MYRIP: variants seen among roughly 807,000 people sequenced by gnomAD.
MYRIP encodes the protein rab effector MyRIP.
A neutral mutation model predicts 98.0 loss-of-function variants in MYRIP; 49 were observed. That is an observed-to-expected ratio of 0.50 (90% CI 0.40 to 0.63). The LOEUF (loss-of-function observed/expected upper bound fraction) is 0.63. Ranked by LOEUF, MYRIP falls within the 30% of genes least tolerant of loss-of-function variation. The pLI is 0.00. For synonymous variants in MYRIP, 404 were observed against 409.5 expected (o/e 0.99, Z 0.16); for missense variants, 1,004 against 1,058.2 (o/e 0.95, Z 0.71).
intron 3 of MYRIP, among the ~76,000 whole-genome samples, chr3:40,122,585 T>C (rs542359268): frequency 3.4e-4 from 51 of 152,030 alleles, no homozygotes; most frequent in African/African-American, 1.2e-3. Flanking sequence ...TGTATATGTA[T>C]GAGTTCATAT....
intron 1 of MYRIP, among the ~76,000 whole-genome samples, chr3:39,824,245 G>T (rs981057078): frequency 6.6e-6 from 1 of 151,996 alleles, no homozygotes; most frequent in Non-Finnish European, 1.5e-5. Context: ...TGCTGTTTTG[G>T]TTATTACAGC....
At chr3:39,811,445 A>G (rs1940687782) in intron 1 of MYRIP, among the ~76,000 whole-genome samples, 1 of 152,194 alleles carries the variant, frequency 6.6e-6, no homozygotes, top group South Asian at 2.1e-4. Context: ...AAAATTTTAC[A>G]GCAATATCTG....
intron 8 of MYRIP, among the ~76,000 whole-genome samples, chr3:40,179,626 ACTGCATCTGGCAACTAGGCTGTCAG>A (rs1457657901): frequency 6.6e-6 from 1 of 152,196 alleles, no homozygotes; most frequent in Non-Finnish European, 1.5e-5. Flanking sequence ...CTGCAATAAT[ACTGCATCTGGCAACTAGGCTGTCAG>A]CTTCATAAGG....
chr3:40,241,186 A>T (rs2125709578), intron 12 of MYRIP, among the ~76,000 whole-genome samples: 1 of 152,292 alleles, frequency 6.6e-6, no homozygotes, highest in South Asian at 2.1e-4. Flanking sequence ...CTCAGAGGGA[A>T]TGGAGAGCAA....
chr3:40,149,063 G>GT (rs1237283822), intron 3 of MYRIP, among the ~76,000 whole-genome samples: 1 of 152,164 alleles, frequency 6.6e-6, no homozygotes, highest in African/African-American at 2.4e-5. Context: ...AGCTTCTTCC[G>GT]TATTAGTCCA....
intron 3 of MYRIP, chr3:40,071,100 C>T: frequency 1.0e-6 from 1 of 978,142 alleles, no homozygotes. Context: ...GAAGAAAGCA[C>T]AGGAAGAAGA....
chr3:40,040,233 C>T (rs1052525070), intron 2 of MYRIP, among the ~76,000 whole-genome samples: 9 of 151,898 alleles, frequency 5.9e-5, no homozygotes, highest in Admixed American at 5.3e-4. Flanking sequence ...AAGAAATGCT[C>T]ATCATCACTG....
intron 11 of MYRIP, among the ~76,000 whole-genome samples, chr3:40,214,646 G>T (rs944374372): frequency 6.6e-6 from 1 of 152,134 alleles, no homozygotes; most frequent in Non-Finnish European, 1.5e-5. Flanking sequence ...TTCCCAAAAG[G>T]TCATGTTTCT....
At position 39,974,021 on chromosome 3, in the gene MYRIP, C is replaced by G. The variant is rs1022032394; in HGVS notation, c.111-70029C>G. Among the ~76,000 whole-genome samples the G allele has an allele frequency of 8.5e-5, 13 of 152,062 alleles. No homozygotes were observed. The South Asian group carries it at 2.7e-3, about 32-fold the overall frequency. ...GAAGCAAGAGCAAACACATTCAAAGCTAGCAGAAGGCAAGAAATAACTAAG... is the reference window on the plus strand; with the variant it reads ...GAAGCAAGAGCAAACACATTCAAAGGTAGCAGAAGGCAAGAAATAACTAAG... On this transcript the variant is annotated intron_variant, in intron 2 of 16. Coordinates refer to ENST00000302541, the MANE Select transcript of MYRIP (RefSeq NM_015460.4).
rs549127058 is a variant in MYRIP, at chr3:40,222,793, T to C, written c.1906-11066T>C. ...TGTATAAAGAACCTGTACAAGAATA[T>C]AGCAATCTTGAACACAGTTAAATGC... On this transcript the variant is annotated intron_variant, in intron 11 of 16. Transcript: ENST00000302541. Among the ~76,000 whole-genome samples the C allele has an allele frequency of 7.9e-5, 12 of 152,306 alleles. No homozygotes were observed. In the South Asian group the frequency reaches 2.3e-3, roughly 29 times the overall value.
chr3:39,876,792 A>C (rs1424836349), intron 1 of MYRIP, among the ~76,000 whole-genome samples: 1 of 151,852 alleles, frequency 6.6e-6, no homozygotes, highest in Non-Finnish European at 1.5e-5. Context: ...CTTCATTTCA[A>C]CTTTGGTGAA....
In MYRIP at chr3:40,187,742, C is replaced by T. The variant is rs557109339; in HGVS notation, c.1028-2084C>T. ...GCCTCAGGGACCTTGTCCTCATACT[C>T]AGCAGGTGTGTGACAGGTAGAACAC... On this transcript the variant is annotated intron_variant, in intron 9 of 16. Coordinates refer to ENST00000302541, the MANE Select transcript of MYRIP (RefSeq NM_015460.4). Among the ~76,000 whole-genome samples the T allele has an allele frequency of 3.0e-4, 45 of 152,352 alleles. No individual in the cohort carries two copies. In the South Asian group the frequency reaches 4.1e-3, roughly 14 times the overall value.
intron 3 of MYRIP, among the ~76,000 whole-genome samples, chr3:40,112,934 T>C (rs1949190396): frequency 6.6e-6 from 1 of 152,266 alleles, no homozygotes; most frequent in African/African-American, 2.4e-5. Context: ...ATTATATCCC[T>C]CCTTTCTCTC....
intron 3 of MYRIP, among the ~76,000 whole-genome samples, chr3:40,086,025 A>G (rs1948618405): frequency 6.6e-6 from 1 of 152,202 alleles, no homozygotes; most frequent in African/African-American, 2.4e-5. Context: ...TACAGAAAGT[A>G]TATAAAGAAA....
chr3:39,960,948 A>G (rs957505501), intron 2 of MYRIP, among the ~76,000 whole-genome samples: 6 of 152,152 alleles, frequency 3.9e-5, no homozygotes, highest in African/African-American at 9.6e-5. Context: ...GGAGAAGTGC[A>G]GCTTTGATTG....
At chr3:39,837,798 A>G (rs886978027) in intron 1 of MYRIP, among the ~76,000 whole-genome samples, 1 of 152,230 alleles carries the variant, frequency 6.6e-6, no homozygotes, top group African/African-American at 2.4e-5. Context: ...TGTATAAACT[A>G]CTTTGGGCAG....
chr3:39,984,180 G>A (rs1559548134), intron 2 of MYRIP, among the ~76,000 whole-genome samples: 1 of 135,892 alleles, frequency 7.4e-6, no homozygotes, highest in Non-Finnish European at 1.6e-5. Context: ...AGGACAGAGA[G>A]GTTGTAAGGA....
intron 11 of MYRIP, among the ~76,000 whole-genome samples, chr3:40,229,105 T>A (rs1291543399): frequency 6.6e-6 from 1 of 152,194 alleles, no homozygotes. Flanking sequence ...CGAGCAGATA[T>A]AGCTACTGTT....
chr3:40,220,721 G>T (rs541827092), intron 11 of MYRIP, among the ~76,000 whole-genome samples: 1 of 152,242 alleles, frequency 6.6e-6, no homozygotes, highest in Admixed American at 6.5e-5. Flanking sequence ...AGGAAGCATG[G>T]CTGAAGAGGC....
Sources: allele counts gnomAD v4.1 joint callset (sites outside exome capture counted in the v4.1 genomes callset), GRCh38; gene constraint gnomAD v4.1.1; transcripts MANE v1.5; gene names NCBI Gene and HGNC (gene_info 2026-07-23, HGNC 2026-07-21).